ARPC4: variants seen among roughly 807,000 people sequenced by gnomAD.
ARPC4 encodes the protein actin-related protein 2/3 complex subunit 4.
In ARPC4, 3 loss-of-function variants were observed where a neutral mutation model predicts 22.8. That is an observed-to-expected ratio of 0.13 (90% CI 0.06 to 0.34). The LOEUF is 0.34. ARPC4 is among the 10% of genes least tolerant of loss of function. The probability of loss-of-function intolerance (pLI) is 1.00; values close to 1 mark genes in which losing one functional copy is unlikely to be tolerated. For missense variants in ARPC4, 98 were observed against 211.0 expected, an observed-to-expected ratio of 0.46 and a Z score of 3.32; for synonymous variants, 80 against 72.5, an observed-to-expected ratio of 1.10 and a Z score of -0.52.
intron 2 of ARPC4, among the ~76,000 whole-genome samples, chr3:9,798,330 T>G (rs1394970618): frequency 6.6e-6 from 1 of 152,106 alleles, no homozygotes; most frequent in African/African-American, 2.4e-5. Flanking sequence ...ACCCCTGTAA[T>G]CCGAGCACTT....
At chr3:9,793,861 C>G (rs1223480390) in intron 1 of ARPC4, among the ~76,000 whole-genome samples, 2 of 152,306 alleles carry the variant, frequency 1.3e-5, no homozygotes, top group Non-Finnish European at 2.9e-5. Context: ...GATCTAGTCT[C>G]CTGGCTTCGA....
At chr3:9,793,026 C>G (rs940222298), upstream of ARPC4, 30 of 1,535,088 alleles carry the variant, frequency 2.0e-5, no homozygotes, top group Admixed American at 2.2e-4. Context: ...TCCGGAAGTC[C>G]GGGCGGAGAC....
At chr3:9,797,284 T>C (rs2078916204) in intron 1 of ARPC4, among the ~76,000 whole-genome samples, 1 of 152,218 alleles carries the variant, frequency 6.6e-6, no homozygotes, top group East Asian at 1.9e-4. Flanking sequence ...TGAGTCTCGA[T>C]AATTCTTTGT....
intron 4 of ARPC4, among the ~76,000 whole-genome samples, chr3:9,801,978 T>A (rs1040716265): frequency 2.0e-5 from 3 of 152,068 alleles, no homozygotes; most frequent in Admixed American, 2.0e-4. Context: ...TGGTGGCTCA[T>A]GCCTCTAATC....
At chr3:9,795,340 C>T (rs879263233) in intron 1 of ARPC4, among the ~76,000 whole-genome samples, 13 of 152,084 alleles carry the variant, frequency 8.5e-5, no homozygotes, top group Non-Finnish European at 7.4e-5. Context: ...GTCAGTCCAA[C>T]GCTTGTGATA....
intron 2 of ARPC4, among the ~76,000 whole-genome samples, chr3:9,798,286 T>C (rs1341180976): frequency 6.6e-6 from 1 of 152,052 alleles, no homozygotes; most frequent in Non-Finnish European, 1.5e-5. Flanking sequence ...TTTTCCCCTT[T>C]AAAATTTAAT....
chr3:9,792,732 G>A (rs1200576274), upstream of ARPC4: 4 of 1,237,306 alleles, frequency 3.2e-6, no homozygotes, highest in South Asian at 7.4e-5. Flanking sequence ...AAAGGATGGG[G>A]GTACAGAACC....
At chr3:9,800,125 G>A in intron 2 of ARPC4, 60 bp from the exon 3 acceptor site, 1 of 1,560,408 alleles carries the variant, frequency 6.4e-7, no homozygotes, top group Non-Finnish European at 8.8e-7. Context: ...ACCTGCGTGG[G>A]GTCACTCTGA....
chr3:9,800,420 A>C, intron 3 of ARPC4, 124 bp downstream of exon 3: 1 of 863,476 alleles, frequency 1.2e-6, no homozygotes, highest in Non-Finnish European at 1.8e-6. Context: ...CAGGAAACCT[A>C]GCCTCTGCTT....
intron 4 of ARPC4, 104 bp from the exon 5 acceptor site, chr3:9,803,738 TG>T: frequency 8.0e-7 from 1 of 1,247,764 alleles, no homozygotes. Context: ...TCACAGCCAG[TG>T]GGAAGCATGT....
chr3:9,793,282 C>A, intron 1 of ARPC4, 158 bp downstream of exon 1: 2 of 1,364,984 alleles, frequency 1.5e-6, no homozygotes, highest in African/African-American at 1.5e-5. Flanking sequence ...GGGGCGGGGG[C>A]CCGAGGTGAG....
intron 4 of ARPC4, 140 bp from the exon 5 acceptor site, chr3:9,803,703 G>A (rs2079058366): frequency 7.0e-6 from 7 of 996,992 alleles, no homozygotes; most frequent in Non-Finnish European, 1.1e-5. Flanking sequence ...CTGCTGACTG[G>A]AAGGGTATGT....
chr3:9,793,243 G>T, intron 1 of ARPC4, 119 bp downstream of exon 1: 1 of 1,450,402 alleles, frequency 6.9e-7, no homozygotes, highest in Non-Finnish European at 9.1e-7. Context: ...GGGGGTTGTG[G>T]GGACACGATG....
intron 2 of ARPC4, among the ~76,000 whole-genome samples, chr3:9,799,624 G>T (rs975548506): frequency 1.3e-5 from 2 of 152,156 alleles, no homozygotes; most frequent in South Asian, 2.1e-4. Context: ...TATATTTTTA[G>T]TACAAATGGG....
intron 1 of ARPC4, among the ~76,000 whole-genome samples, 154 bp from the exon 2 acceptor site, chr3:9,797,505 G>C (rs1188793854): frequency 1.3e-5 from 2 of 152,212 alleles, no homozygotes. Flanking sequence ...ACCTTGGAAG[G>C]CGTCTCGAAG....
intron 1 of ARPC4, among the ~76,000 whole-genome samples, chr3:9,797,000 C>A (rs1237620020): frequency 6.7e-6 from 1 of 150,224 alleles, no homozygotes. Flanking sequence ...AATCCCATTT[C>A]ACCTTCAAAA....
chr3:9,792,931 C>T, upstream of ARPC4: 1 of 1,397,490 alleles, frequency 7.2e-7, no homozygotes, highest in Non-Finnish European at 9.3e-7. Context: ...TTTAAAAATA[C>T]CGAGACAGCC....
At chr3:9,804,099 C>T in intron 5 of ARPC4, 86 bp downstream of exon 5, 2 of 1,482,890 alleles carry the variant, frequency 1.3e-6, no homozygotes, top group South Asian at 1.2e-5. Flanking sequence ...GGAAAGGGGT[C>T]CAAGCAGTGT....
chr3:9,794,313 C>CA (rs2078830874), intron 1 of ARPC4, among the ~76,000 whole-genome samples: 1 of 152,094 alleles, frequency 6.6e-6, no homozygotes, highest in South Asian at 2.1e-4. Flanking sequence ...TCCTGGCTAA[C>CA]ACGGTGAAAC....
Sources: allele counts gnomAD v4.1 joint callset (sites outside exome capture counted in the v4.1 genomes callset), GRCh38; gene constraint gnomAD v4.1.1; transcripts MANE v1.5; gene names NCBI Gene and HGNC (gene_info 2026-07-23, HGNC 2026-07-21).